MAFG: variants seen among roughly 807,000 people sequenced by gnomAD.
The protein encoded by MAFG is MAF bZIP transcription factor G.
In MAFG, 3 loss-of-function variants were observed where a neutral mutation model predicts 12.2. That is an observed-to-expected ratio of 0.25 (90% CI 0.11 to 0.64). MAFG has a LOEUF of 0.64. Ranked by LOEUF, MAFG falls within the 30% of genes least tolerant of loss-of-function variation. The probability of loss-of-function intolerance (pLI) is 0.85; values close to 1 mark genes in which losing one functional copy is unlikely to be tolerated. For synonymous variants in MAFG, 126 were observed against 109.1 expected, an observed-to-expected ratio of 1.15 and a Z score of -0.96; for missense variants, 153 against 235.5, an observed-to-expected ratio of 0.65 and a Z score of 2.29.
At chr17:81,927,309 G>A (rs2040949576) in intron 1 of MAFG, among the ~76,000 whole-genome samples, 2 of 150,192 alleles carry the variant, frequency 1.3e-5, no homozygotes, top group South Asian at 4.2e-4. Context: ...CAGTACCCGG[G>A]CGCCAGGGGC....
In MAFG at chr17:81,918,326, A is replaced by C; in HGVS notation, c.*4279T>G. 2.1e-6 allele frequency: 1 copy of C among 466,202 alleles called. No individual in the cohort carries two copies. Among genetic ancestry groups the C allele is most frequent in the Non-Finnish European group, 3.7e-6 (1 of 270,322 alleles). The allele number at this position is 466,202 out of a possible 1,614,324, so 28.9% of individuals were successfully genotyped here. On this transcript the variant is annotated 3_prime_UTR_variant, in exon 3 of 3. Transcript: ENST00000357736. ...AATAAAGAAAACCTTATATATCACA[A>C]ACATACACTATGTACAGCAATAAAT...
rs1171744267 is a variant in MAFG at position 81,918,697 on chromosome 17, C to G, written c.*3908G>C. On this transcript the variant is annotated 3_prime_UTR_variant, in exon 3 of 3. Coordinates refer to ENST00000357736, the MANE Select transcript of MAFG (RefSeq NM_002359.4). The stretch of plus-strand genomic sequence containing the variant: ...CAACAGGGCTGGACACGCGGGCAGC[C>G]CTTGTCCTGTTGCCAGGAGAAGGCT... 1 of 152,472 alleles carries G rather than the reference C, an allele frequency of 6.6e-6. No homozygotes were observed. Among genetic ancestry groups the G allele is most frequent in the Non-Finnish European group, 1.5e-5 (1 of 68,176 alleles). The allele number at this position is 152,472 out of a possible 1,614,324, so 9.4% of individuals were successfully genotyped here. A position where few individuals can be genotyped will look rare whatever the true frequency, so the allele number is the denominator to read the frequency against.
chr17:81,918,739 G>A lies in MAFG; in HGVS notation c.*3866C>T, dbSNP rs953770178. On this transcript the variant is annotated 3_prime_UTR_variant, in exon 3 of 3. Coordinates refer to ENST00000357736, the MANE Select transcript of MAFG (RefSeq NM_002359.4). ...GAGAAGGCTTTCTGTGCCCACTCCC[G>A]TTTGGTTAAAGGCTTCAGGGACTAG... 6.6e-6 allele frequency: 1 copy of A among 152,352 alleles called. No individual in the cohort carries two copies. 9.4% of individuals were successfully genotyped at this position (152,352 alleles called of 1,614,324 possible). A position where few individuals can be genotyped will look rare whatever the true frequency, so the allele number is the denominator to read the frequency against.
chr17:81,922,647 G>T lies in MAFG; in HGVS notation c.447C>A (p.Ser149Arg). 1 of 1,503,250 alleles carries T rather than the reference G, an allele frequency of 6.7e-7. No homozygotes were observed. Among genetic ancestry groups the T allele is most frequent in the Non-Finnish European group, 8.8e-7 (1 of 1,130,668 alleles). The allele number at this position is 1,503,250 out of a possible 1,614,324, so 93.1% of individuals were successfully genotyped here. A position where few individuals can be genotyped will look rare whatever the true frequency, so the allele number is the denominator to read the frequency against. Residue 149 changes from serine to arginine, a missense_variant, in exon 3 of 3, where the codon AGC (serine) becomes AGA (arginine). Transcript: ENST00000357736. The part of the protein sequence containing the change: ...PLVPGKVAAT[S>R]VITIVKSKTD... ...TCTTGGACTTTACTATTGTGATGACGCTGGTGGCGGCCACCTTGCCTGGGA... is the reference window on the plus strand; with the variant it reads ...TCTTGGACTTTACTATTGTGATGACTCTGGTGGCGGCCACCTTGCCTGGGA...
Position 81,923,465 on chromosome 17 carries a change from C to T in MAFG, c.-29-251G>A, listed in dbSNP as rs1598347769. 6 of 405,608 alleles carry T rather than the reference C, an allele frequency of 1.5e-5. No homozygotes were observed. The East Asian group carries it at 2.4e-4, about 16-fold the overall frequency. 25.1% of individuals were successfully genotyped at this position (405,608 alleles called of 1,614,324 possible). A position where few individuals can be genotyped will look rare whatever the true frequency, so the allele number is the denominator to read the frequency against. ...GGAAGGTCTGACGGGAGAAGGGGAA[C>T]TGAAGGCTGTTAGGAAGGCAGGCGC... is the stretch of plus-strand genomic sequence containing the variant. On this transcript the variant is annotated intron_variant, in intron 1 of 2. Transcript: ENST00000357736.
At chr17:81,923,249 C>CCACCCT in intron 1 of MAFG, 35 bp from the exon 2 acceptor site, 2 of 1,181,146 alleles carry the variant, frequency 1.7e-6, no homozygotes, top group Non-Finnish European at 2.3e-6. Flanking sequence ...ACCCTGGAGA[C>CCACCCT]CACCCTCGCC....
intron 1 of MAFG, among the ~76,000 whole-genome samples, chr17:81,925,041 G>A (rs903761167): frequency 4.6e-5 from 7 of 152,228 alleles, no homozygotes; most frequent in African/African-American, 1.7e-4. Flanking sequence ...GGGAGGGGCA[G>A]CCCTGAGCAC....
In MAFG at chr17:81,923,503, A is replaced by C. The variant is rs2376532; in HGVS notation, c.-29-289T>G. The C allele has an allele frequency of 2.7e-4, 83 of 312,062 alleles. 1 individual carries two copies. In the East Asian group the frequency reaches 4.2e-3, roughly 16 times the overall value. 19.3% of individuals were successfully genotyped at this position (312,062 alleles called of 1,614,324 possible). ...GGAAGGCAGGCGCAAGACAAGGGGC[A>C]GGGGAGAGATTAGAAGGAATAAGAC... On this transcript the variant is annotated intron_variant, in intron 1 of 2. Transcript: ENST00000357736.
chr17:81,930,480 T>TA (rs2040976566), upstream of MAFG: 1 of 143,044 alleles, frequency 7.0e-6, no homozygotes, highest in African/African-American at 2.6e-5. This position sits in a 1 kb window ranked among gnomAD's most constrained non-coding sequence, Gnocchi z 4.1. Flanking sequence ...ATTGGTAACA[T>TA]AGAGACCCTA....
In MAFG at chr17:81,919,496, T is replaced by C. The variant is rs896665665; in HGVS notation, c.*3109A>G. On this transcript the variant is annotated 3_prime_UTR_variant, in exon 3 of 3. Transcript: ENST00000357736. ...AGAGCTGACCTGTCCCTGCTGGGTA[T>C]TCCTCTGAAATCTGAGCGTCCATGT... 8 of 152,290 alleles carry C rather than the reference T, an allele frequency of 5.3e-5. No homozygotes were observed. Among genetic ancestry groups the C allele is most frequent in the African/African-American group, 1.7e-4 (7 of 41,464 alleles). The allele number at this position is 152,290 out of a possible 1,614,324, so 9.4% of individuals were successfully genotyped here. A position where few individuals can be genotyped will look rare whatever the true frequency, so the allele number is the denominator to read the frequency against.
In MAFG at chr17:81,920,847, G is replaced by A. The variant is rs1462417644; in HGVS notation, c.*1758C>T. The A allele has an allele frequency of 1.3e-5, 2 of 152,448 alleles. No homozygotes were observed. Among genetic ancestry groups the A allele is most frequent in the Non-Finnish European group, 2.9e-5 (2 of 68,190 alleles). 9.4% of individuals were successfully genotyped at this position (152,448 alleles called of 1,614,324 possible). A position where few individuals can be genotyped will look rare whatever the true frequency, so the allele number is the denominator to read the frequency against. ...GGCTCTCAGAGTGAGGCAGGGACAA[G>A]GAAGAAAGGGCGGTGCCCGGTGGGC... On this transcript the variant is annotated 3_prime_UTR_variant, in exon 3 of 3. Coordinates refer to ENST00000357736, the MANE Select transcript of MAFG (RefSeq NM_002359.4).
At position 81,921,455 on chromosome 17, in the gene MAFG, C is replaced by G. The variant is rs1260638982; in HGVS notation, c.*1150G>C. 1 of 152,364 alleles carries G rather than the reference C, an allele frequency of 6.6e-6. No homozygotes were observed. Among genetic ancestry groups the G allele is most frequent in the African/African-American group, 2.4e-5 (1 of 41,448 alleles). 9.4% of individuals were successfully genotyped at this position (152,364 alleles called of 1,614,324 possible). ...TCACCAGGCACGGACGACACCACGG[C>G]ACCGGCAAGAGACGGAAGCAGGAAG... On this transcript the variant is annotated 3_prime_UTR_variant, in exon 3 of 3. Transcript: ENST00000357736.
chr17:81,930,938 A>G (rs2040980860), upstream of MAFG, among the ~76,000 whole-genome samples: 1 of 152,092 alleles, frequency 6.6e-6, no homozygotes, highest in Non-Finnish European at 1.5e-5. This position sits in a 1 kb window ranked among gnomAD's most constrained non-coding sequence, Gnocchi z 4.1. Context: ...CCCCGGCACC[A>G]TCTCCCTCCT....
At chr17:81,928,961 G>T (rs1187506811), upstream of MAFG, among the ~76,000 whole-genome samples, 1 of 152,154 alleles carries the variant, frequency 6.6e-6, no homozygotes, top group Non-Finnish European at 1.5e-5. The surrounding 1 kb of genome is among the most constrained non-coding windows in gnomAD (Gnocchi z 8.1). Context: ...ACACAGCGGG[G>T]ACCTGGCGGG....
intron 1 of MAFG, among the ~76,000 whole-genome samples, chr17:81,925,446 A>C (rs2040931589): frequency 6.6e-6 from 1 of 152,220 alleles, no homozygotes; most frequent in African/African-American, 2.4e-5. Context: ...ATAAGCTCTC[A>C]GCTCCTGAAA....
chr17:81,930,012 C>T (rs570934294), upstream of MAFG: 5 of 153,028 alleles, frequency 3.3e-5, no homozygotes, highest in East Asian at 7.7e-4. The surrounding 1 kb of genome is among the most constrained non-coding windows in gnomAD (Gnocchi z 4.1). Context: ...CCCGCAGGCA[C>T]TTCCCCGGCA....
At chr17:81,925,631 A>AC (rs1238657208) in intron 1 of MAFG, among the ~76,000 whole-genome samples, 1 of 151,566 alleles carries the variant, frequency 6.6e-6, no homozygotes, top group African/African-American at 2.4e-5. Context: ...ACACGGTGAA[A>AC]CCCCGTCTCT....
In MAFG at chr17:81,922,989, C is replaced by T. The variant is rs2040907202; in HGVS notation, c.105G>A (p.Arg35=). ...GGCCCCGCAGGTGCTGGTTCAGCTC[C>T]CGCACCGACATGGTCACCAGCTCCT... The part of the protein sequence containing the change: ...TDEELVTMSV[R]ELNQHLRGLS... The change falls in exon 3 of 3, where the codon CGG becomes CGA. Residue 35 remains arginine, a synonymous_variant. Transcript: ENST00000357736. 2 of 1,598,226 alleles carry T rather than the reference C, an allele frequency of 1.3e-6. No homozygotes were observed. Among genetic ancestry groups the T allele is most frequent in the East Asian group, 2.3e-5 (1 of 44,074 alleles).
rs1248194800 is a variant in MAFG, at chr17:81,926,141, A to G, written c.-30+1387T>C. Among the ~76,000 whole-genome samples the G allele has an allele frequency of 6.6e-6, 1 of 152,144 alleles. No individual in the cohort carries two copies. The highest frequency in any genetic ancestry group is 1.5e-5 in the Non-Finnish European group (1 of 68,036). The stretch of plus-strand genomic sequence containing the variant: ...TTCGTGAATCTCCACATACCCAAGG[A>G]AAGGTGGCTCTGGCCACATCACTCC... On this transcript the variant is annotated intron_variant, in intron 1 of 2. Transcript: ENST00000357736. The surrounding 1 kb of genome is among the most constrained non-coding windows in gnomAD (Gnocchi z 4.6).
Sources: gnomAD v4.1 joint callset for allele counts (sites outside exome capture counted in the v4.1 genomes callset) on GRCh38, gnomAD v4.1.1 for gene constraint, Gnocchi (gnomAD v3.1) non-coding constraint, MANE v1.5 for transcripts, NCBI Gene and HGNC (gene_info 2026-07-23, HGNC 2026-07-21) for gene names.